The following SFI1 variants were observed in gnomAD, a reference collection of about 807,000 sequenced individuals.
SFI1 encodes SFI1 centrin binding protein, also known as protein SFI1 homolog.
A neutral mutation model predicts 207.5 loss-of-function variants in SFI1; 195 were observed. That is an observed-to-expected ratio of 0.94 (90% CI 0.84 to 1.06). SFI1 has a LOEUF of 1.06. Ranked by LOEUF, SFI1 falls within the 50% of genes least tolerant of loss-of-function variation. SFI1 has a pLI of 0.00. For synonymous variants in SFI1, 630 were observed against 598.9 expected (o/e 1.05, Z -0.76); for missense variants, 1,634 against 1,588.0 (o/e 1.03, Z -0.49).
chr22:31,612,971 A>G, intron 24 of SFI1, 171 bp from the exon 25 acceptor site: 1 of 634,626 alleles, frequency 1.6e-6, no homozygotes, highest in South Asian at 1.9e-5. Context: ...CCACAGATGG[A>G]GCGTGTGTTG....
At chr22:31,531,707 A>G (rs1458300766) in intron 4 of SFI1, among the ~76,000 whole-genome samples, 3 of 152,136 alleles carry the variant, frequency 2.0e-5, no homozygotes, top group African/African-American at 2.4e-5. Flanking sequence ...CAGCCTGACC[A>G]ACATGGAGAA....
Position 31,523,653 on chromosome 22 carries a change from A to G in SFI1, c.93-5037A>G, listed in dbSNP as rs187382245. 2.6e-5 allele frequency among the ~76,000 whole-genome samples: 4 copies of G among 152,306 alleles called. No individual in the cohort carries two copies. The East Asian group carries it at 7.7e-4, about 29-fold the overall frequency. ...AGGATACTGAGGGTAGGAAAAATCA[A>G]GTGATTTGCCATAAACTTCAAATCT... On this transcript the variant is annotated intron_variant, in intron 2 of 32. Coordinates refer to ENST00000400288, the MANE Select transcript of SFI1 (RefSeq NM_001007467.3).
At chr22:31,510,076 C>T (rs1970722790) in intron 2 of SFI1, among the ~76,000 whole-genome samples, 1 of 152,066 alleles carries the variant, frequency 6.6e-6, no homozygotes, top group Admixed American at 6.6e-5. Context: ...GTGATCTGCC[C>T]ACCTCTGCCT....
At chr22:31,541,599 C>T (rs1436865536) in intron 4 of SFI1, among the ~76,000 whole-genome samples, 2 of 151,618 alleles carry the variant, frequency 1.3e-5, no homozygotes, top group Non-Finnish European at 2.9e-5. Context: ...ACTAAAAATA[C>T]AAAAATTAGC....
chr22:31,606,621 A>G (rs896152129), intron 21 of SFI1, 191 bp downstream of exon 21: 6 of 543,960 alleles, frequency 1.1e-5, no homozygotes, highest in Admixed American at 3.2e-5. Context: ...TTACAAACCA[A>G]TATGCATTAA....
intron 6 of SFI1, among the ~76,000 whole-genome samples, chr22:31,551,384 T>C (rs2060605320): frequency 6.6e-6 from 1 of 152,184 alleles, no homozygotes; most frequent in Non-Finnish European, 1.5e-5. Flanking sequence ...TAGCTTTCCT[T>C]GATCTCCCCC....
chr22:31,539,368 A>G (rs527493756), intron 4 of SFI1, among the ~76,000 whole-genome samples: 60 of 152,324 alleles, frequency 3.9e-4, no homozygotes, highest in South Asian at 6.2e-4. Context: ...ACTGTGGTCT[A>G]TAAGACCAAC....
At chr22:31,501,332 C>A (rs533277670) in intron 1 of SFI1, among the ~76,000 whole-genome samples, 1 of 151,758 alleles carries the variant, frequency 6.6e-6, no homozygotes, top group African/African-American at 2.4e-5. Context: ...CCACCACGCC[C>A]GGCTAATTTT....
intron 8 of SFI1, among the ~76,000 whole-genome samples, chr22:31,569,383 T>TA (rs1157175636): frequency 6.6e-6 from 1 of 152,136 alleles, no homozygotes; most frequent in Non-Finnish European, 1.5e-5. Flanking sequence ...TGTTCTTGCC[T>TA]AAAAAATTGA....
Position 31,618,352 on chromosome 22 carries a change from G to A in SFI1, c.3663G>A (p.Gln1221=), listed in dbSNP as rs752618029. The change falls in exon 33 of 33, where the codon CAG becomes CAA. Residue 1221 remains glutamine (Q), a synonymous_variant. Transcript: ENST00000400288. ...MQIQLLAEEL[Q]AQRQPIGACV... is the part of the protein sequence containing the mutation. ...TCCAGCTGCTGGCAGAGGAGCTCCA[G>A]GCTCAGCGCCAGCCCATTGGCGCCT... 1 of 1,609,608 alleles carries A rather than the reference G, an allele frequency of 6.2e-7. No individual in the cohort carries two copies.
intron 14 of SFI1, among the ~76,000 whole-genome samples, chr22:31,588,926 T>G (rs1483859441): frequency 6.6e-6 from 1 of 152,132 alleles, no homozygotes; most frequent in Non-Finnish European, 1.5e-5. Context: ...GGTATATTCT[T>G]ATGTCCATTG....
intron 7 of SFI1, chr22:31,559,534 A>G (rs2061476179): frequency 6.9e-6 from 4 of 578,196 alleles, no homozygotes; most frequent in Middle Eastern, 5.4e-4. Flanking sequence ...AATACTCAAC[A>G]GCAACATCAA....
At position 31,603,731 on chromosome 22, in the gene SFI1, C is replaced by T; in HGVS notation, c.1806-13C>T. On this transcript the variant is annotated splice_polypyrimidine_tract_variant and intron_variant, in intron 17 of 32. Coordinates refer to ENST00000400288, the MANE Select transcript of SFI1 (RefSeq NM_001007467.3). The stretch of plus-strand genomic sequence containing the variant: ...TGGGGGCTGCAGCACTGAGCTCTGC[C>T]ATCTCCCCACAGGAGGACGGGCAGG... 2.6e-6 allele frequency: 4 copies of T among 1,522,694 alleles called. No homozygotes were observed. Among genetic ancestry groups the T allele is most frequent in the African/African-American group, 1.5e-5 (1 of 68,586 alleles). The allele number at this position is 1,522,694 out of a possible 1,614,324, so 94.3% of individuals were successfully genotyped here.
intron 11 of SFI1, 74 bp downstream of exon 11, chr22:31,578,526 C>G: frequency 4.4e-6 from 6 of 1,376,560 alleles, no homozygotes; most frequent in Non-Finnish European, 6.0e-6. Flanking sequence ...GGACCCTGAC[C>G]CCTATCACCT....
chr22:31,549,957 T>A (rs1308417517), intron 5 of SFI1, among the ~76,000 whole-genome samples: 1 of 151,780 alleles, frequency 6.6e-6, no homozygotes, highest in Non-Finnish European at 1.5e-5. Flanking sequence ...TGAGACAGAG[T>A]CTTGCTCTGT....
chr22:31,593,811 C>T (rs2066564399), intron 15 of SFI1, among the ~76,000 whole-genome samples: 1 of 148,810 alleles, frequency 6.7e-6, no homozygotes, highest in Non-Finnish European at 1.5e-5. Context: ...CCGGCCAACA[C>T]AGCGAAACCC....
chr22:31,542,087 T>TGA (rs1481367199), intron 4 of SFI1, among the ~76,000 whole-genome samples: 4 of 119,516 alleles, frequency 3.3e-5, no homozygotes, highest in Non-Finnish European at 6.7e-5. Context: ...GGTGACAGAG[T>TGA]GAGACCCCGT....
chr22:31,601,310 A>G (rs754815686), intron 15 of SFI1, among the ~76,000 whole-genome samples: 23 of 151,618 alleles, frequency 1.5e-4, no homozygotes, highest in Non-Finnish European at 2.8e-4. Flanking sequence ...TTTTTAGTAG[A>G]GATGGGGTTT....
chr22:31,577,974 T>G, intron 10 of SFI1: 1 of 153,152 alleles, frequency 6.5e-6, no homozygotes, highest in Non-Finnish European at 1.5e-5. Context: ...TAGATGAGAG[T>G]GGGAGGAGAA....
Sources: allele counts gnomAD v4.1 joint callset (sites outside exome capture counted in the v4.1 genomes callset), GRCh38; gene constraint gnomAD v4.1.1; transcripts MANE v1.5; gene names NCBI Gene and HGNC (gene_info 2026-07-23, HGNC 2026-07-21).